The following LDAH variants were observed in gnomAD, a reference collection of about 807,000 sequenced individuals.
LDAH encodes lipid droplet associated hydrolase, also known as lipid droplet-associated hydrolase.
A neutral mutation model predicts 29.6 loss-of-function variants in LDAH; 26 were observed. The ratio of observed to expected loss-of-function variants is 0.88; its 90% CI spans 0.64 to 1.22. The LOEUF (loss-of-function observed/expected upper bound fraction) is 1.22. LDAH is among the 50% of genes most tolerant of loss of function. The pLI is 0.00. For missense variants in LDAH, 344 were observed against 387.3 expected, an observed-to-expected ratio of 0.89 and a Z score of 0.94; for synonymous variants, 117 against 133.0, an observed-to-expected ratio of 0.88 and a Z score of 0.83.
At chr2:20,796,704 C>T (rs1671329511) in intron 2 of LDAH, among the ~76,000 whole-genome samples, 3 of 152,190 alleles carry the variant, frequency 2.0e-5, no homozygotes, top group African/African-American at 7.2e-5. Flanking sequence ...GCCCAACCCC[C>T]AGACTTTCTG....
At chr2:20,815,510 A>G (rs997035435) in intron 1 of LDAH, among the ~76,000 whole-genome samples, 1 of 152,130 alleles carries the variant, frequency 6.6e-6, no homozygotes, top group Admixed American at 6.5e-5. Flanking sequence ...AAAAACAAAG[A>G]AAAAAATCTC....
At chr2:20,712,538 T>C (rs1664847357) in intron 5 of LDAH, among the ~76,000 whole-genome samples, 1 of 152,094 alleles carries the variant, frequency 6.6e-6, no homozygotes, top group South Asian at 2.1e-4. Context: ...GAGAATGACA[T>C]TATGAGTTGA....
chr2:20,788,965 A>G (rs983289408), intron 3 of LDAH: 1 of 634,410 alleles, frequency 1.6e-6, no homozygotes, highest in Non-Finnish European at 2.7e-6. Context: ...TCTTCCATTT[A>G]GAAACCTTCC....
At chr2:20,793,482 C>G (rs111613046) in intron 2 of LDAH, among the ~76,000 whole-genome samples, 18 of 152,122 alleles carry the variant, frequency 1.2e-4, no homozygotes, top group African/African-American at 3.6e-4. Context: ...GGAAGACAGT[C>G]CATAATCCTT....
At chr2:20,760,888 G>A (rs981744012) in intron 4 of LDAH, among the ~76,000 whole-genome samples, 3 of 152,168 alleles carry the variant, frequency 2.0e-5, no homozygotes, top group Non-Finnish European at 2.9e-5. Context: ...TTACGTGTAG[G>A]AATGAACATT....
intron 2 of LDAH, among the ~76,000 whole-genome samples, 167 bp downstream of exon 2, chr2:20,801,141 AAC>A (rs1390734363): frequency 4.5e-4 from 68 of 152,086 alleles, no homozygotes; most frequent in African/African-American, 1.6e-3. Flanking sequence ...ATAGAAGAAA[AAC>A]ACAAAATCCA....
At chr2:20,695,231 G>A (rs900026263) in intron 6 of LDAH, among the ~76,000 whole-genome samples, 1 of 152,188 alleles carries the variant, frequency 6.6e-6, no homozygotes, top group Non-Finnish European at 1.5e-5. Flanking sequence ...GGTGGCTGTT[G>A]TTTAGAATGG....
At chr2:20,773,882 T>C (rs1669601863) in intron 4 of LDAH, among the ~76,000 whole-genome samples, 1 of 152,160 alleles carries the variant, frequency 6.6e-6, no homozygotes, top group Non-Finnish European at 1.5e-5. Context: ...CTATCTTGGC[T>C]TCAGATTACT....
intron 4 of LDAH, among the ~76,000 whole-genome samples, chr2:20,760,112 A>T (rs1451219661): frequency 6.6e-6 from 1 of 151,976 alleles, no homozygotes; most frequent in African/African-American, 2.4e-5. Context: ...CTTTTTTTTG[A>T]GGTGGGGAGA....
At chr2:20,822,607 T>A (rs1572710386) in intron 1 of LDAH, among the ~76,000 whole-genome samples, 1 of 152,096 alleles carries the variant, frequency 6.6e-6, no homozygotes, top group African/African-American at 2.4e-5. Context: ...GGGTTTACGG[T>A]TAAGGTCTTC....
chr2:20,701,075 G>A (rs1246077652), intron 6 of LDAH, among the ~76,000 whole-genome samples: 15 of 152,134 alleles, frequency 9.9e-5, no homozygotes, highest in Admixed American at 8.5e-4. Flanking sequence ...AGATGTGTGT[G>A]TGCAAGATTC....
intron 1 of LDAH, among the ~76,000 whole-genome samples, chr2:20,821,912 G>C (rs1175820266): frequency 6.6e-6 from 1 of 152,228 alleles, no homozygotes; most frequent in Non-Finnish European, 1.5e-5. Flanking sequence ...ATGCTGGAAA[G>C]AGGGGCCTTA....
At chr2:20,781,311 T>A (rs1488709064) in intron 3 of LDAH, among the ~76,000 whole-genome samples, 1 of 152,182 alleles carries the variant, frequency 6.6e-6, no homozygotes, top group Non-Finnish European at 1.5e-5. Context: ...CAACTTATGA[T>A]TGTGATAATG....
chr2:20,734,859 A>T (rs531789082), intron 5 of LDAH, among the ~76,000 whole-genome samples: 1 of 152,296 alleles, frequency 6.6e-6, no homozygotes, highest in South Asian at 2.1e-4. Flanking sequence ...AACATTTGAG[A>T]ATGTTAAATT....
At chr2:20,799,512 T>C (rs1251110031) in intron 2 of LDAH, among the ~76,000 whole-genome samples, 2 of 152,188 alleles carry the variant, frequency 1.3e-5, no homozygotes, top group Non-Finnish European at 1.5e-5. Context: ...GCCTCTCTTC[T>C]AGCTACTTTA....
chr2:20,708,137 T>C (rs1397086459), intron 5 of LDAH, among the ~76,000 whole-genome samples: 2 of 152,204 alleles, frequency 1.3e-5, no homozygotes, highest in African/African-American at 4.8e-5. Context: ...TTAATAATAA[T>C]GGAAATAAAG....
In LDAH at chr2:20,685,127, T is replaced by A; in HGVS notation, c.*1776A>T. On this transcript the variant is annotated 3_prime_UTR_variant, in exon 7 of 7. Transcript: ENST00000237822. ...GATAAATAGGAATTAAGAATGAGTATCTTTCTTAGGCTCTAAAAACCAGAA... is the reference window on the plus strand; with the variant it reads ...GATAAATAGGAATTAAGAATGAGTAACTTTCTTAGGCTCTAAAAACCAGAA... The A allele has an allele frequency of 1.6e-6, 1 of 630,920 alleles. No homozygotes were observed. Among genetic ancestry groups the A allele is most frequent in the Non-Finnish European group, 2.5e-6 (1 of 403,264 alleles). 39.1% of individuals were successfully genotyped at this position (630,920 alleles called of 1,614,324 possible). A position where few individuals can be genotyped will look rare whatever the true frequency, so the allele number is the denominator to read the frequency against.
chr2:20,802,248 T>A (rs1671760784), intron 1 of LDAH, among the ~76,000 whole-genome samples: 1 of 151,924 alleles, frequency 6.6e-6, no homozygotes, highest in Non-Finnish European at 1.5e-5. Context: ...TTAGTAGAGA[T>A]GGGGTTTTGC....
chr2:20,716,720 G>GTATATATATGTATATATATATATA (rs1362301507), intron 5 of LDAH, among the ~76,000 whole-genome samples: 1 of 131,292 alleles, frequency 7.6e-6, no homozygotes. Context: ...AGAACTTTAA[G>GTATATATATGTATATATATATATA]TATATATACA....
Sources: allele counts gnomAD v4.1 joint callset (sites outside exome capture counted in the v4.1 genomes callset), GRCh38; gene constraint gnomAD v4.1.1; transcripts MANE v1.5; gene names NCBI Gene and HGNC (gene_info 2026-07-23, HGNC 2026-07-21).